Variants in STOX2 observed in about 807,000 individuals in gnomAD.
The protein encoded by STOX2 is storkhead-box protein 2.
In STOX2, 28 loss-of-function variants were observed where a neutral mutation model predicts 60.9. That is an observed-to-expected ratio of 0.46 (90% CI 0.34 to 0.63). The LOEUF (loss-of-function observed/expected upper bound fraction) is 0.63, where lower values mean the gene tolerates loss of function less well. Ranked by LOEUF, STOX2 falls within the 30% of genes least tolerant of loss-of-function variation. The pLI, the probability that STOX2 is intolerant of heterozygous loss-of-function variation, is 0.01. For missense variants in STOX2, 1,024 were observed against 1,187.7 expected, an observed-to-expected ratio of 0.86 and a Z score of 2.03; for synonymous variants, 472 against 463.9, an observed-to-expected ratio of 1.02 and a Z score of -0.22.
At chr4:183,959,329 G>A (rs1026722248) in intron 1 of STOX2, among the ~76,000 whole-genome samples, 3 of 151,958 alleles carry the variant, frequency 2.0e-5, no homozygotes, top group Non-Finnish European at 2.9e-5. Context: ...AACTCAGGGC[G>A]GAAGGGGGGG....
In STOX2 at chr4:184,018,995, C is replaced by T. The variant is rs933959700; in HGVS notation, c.*1711C>T. The T allele has an allele frequency of 2.0e-5, 3 of 152,080 alleles. No homozygotes were observed. Among genetic ancestry groups the T allele is most frequent in the African/African-American group, 7.2e-5 (3 of 41,412 alleles). 9.4% of individuals were successfully genotyped at this position (152,080 alleles called of 1,614,324 possible). On this transcript the variant is annotated 3_prime_UTR_variant, in exon 4 of 4. Transcript: ENST00000308497. ...AGTAATTGGCATATGATTTGTGAGA[C>T]GCATCTGTTTTTGTATGAGGTTTAA... is the stretch of plus-strand genomic sequence containing the variant.
chr4:183,798,572 C>G (rs371580289), intron 1 of STOX2: 1 of 963,576 alleles, frequency 1.0e-6, no homozygotes, highest in Non-Finnish European at 1.2e-6. Flanking sequence ...AGGGTTGAGG[C>G]TGAGTGTTGC....
At position 184,011,456 on chromosome 4, in the gene STOX2, G is replaced by A. The variant is rs4862282; in HGVS notation, c.2585+33G>A. 1 allele frequency: 1,598,981 copies of A among 1,598,996 alleles called. 799,483 individuals are homozygous for A. The highest frequency in any genetic ancestry group is 1 in the Non-Finnish European group (1,171,800 of 1,171,800). ...GAGGTGTCTCTGTGCACACACATGC[G>A]CCTAGCGGGGCCTGGGGCTTTATGC... is the stretch of plus-strand genomic sequence containing the variant. On this transcript the variant is annotated intron_variant, in intron 3 of 3. Transcript: ENST00000308497. The surrounding 1 kb of genome is among the most constrained non-coding windows in gnomAD (Gnocchi z 4.4).
intron 1 of STOX2, among the ~76,000 whole-genome samples, chr4:183,909,399 T>A (rs935739819): frequency 2.0e-5 from 3 of 152,226 alleles, no homozygotes; most frequent in Non-Finnish European, 4.4e-5. Flanking sequence ...ACATGAGGCC[T>A]TTCATATTTC....
At chr4:183,980,457 G>T (rs1732619195) in intron 1 of STOX2, among the ~76,000 whole-genome samples, 1 of 152,218 alleles carries the variant, frequency 6.6e-6, no homozygotes, top group Non-Finnish European at 1.5e-5. Flanking sequence ...TTAGGAGTCT[G>T]TCCCCGGATA....
At chr4:183,931,891 A>G (rs1222002226) in intron 1 of STOX2, among the ~76,000 whole-genome samples, 1 of 152,228 alleles carries the variant, frequency 6.6e-6, no homozygotes, top group Non-Finnish European at 1.5e-5. Flanking sequence ...TGTTTAATCT[A>G]GAGAGCAATA....
At chr4:183,987,386 C>A (rs1471060439) in intron 1 of STOX2, among the ~76,000 whole-genome samples, 3 of 152,098 alleles carry the variant, frequency 2.0e-5, no homozygotes, top group Non-Finnish European at 2.9e-5. Flanking sequence ...CGCAGGTGTA[C>A]ACGTGAGTGA....
chr4:183,945,634 G>C (rs541161904), intron 1 of STOX2, among the ~76,000 whole-genome samples: 1 of 152,170 alleles, frequency 6.6e-6, no homozygotes, highest in Admixed American at 6.5e-5. Context: ...TGAAAACAAA[G>C]CAGGTTCCAT....
intron 1 of STOX2, among the ~76,000 whole-genome samples, chr4:183,863,127 G>A (rs186554986): frequency 8.5e-5 from 13 of 152,294 alleles, no homozygotes; most frequent in Admixed American, 2.0e-4. Flanking sequence ...CATCGGTGGC[G>A]TACAGGACTC....
chr4:183,951,262 C>T (rs1743082113), intron 1 of STOX2, among the ~76,000 whole-genome samples: 1 of 151,128 alleles, frequency 6.6e-6, no homozygotes, highest in Non-Finnish European at 1.5e-5. Context: ...AGGCTTTGCT[C>T]AGCAGTGACA....
rs1272594216 is a variant in STOX2, at chr4:184,010,782, G to A, written c.1944G>A (p.Arg648=). 1 of 1,579,218 alleles carries A rather than the reference G, an allele frequency of 6.3e-7. No individual in the cohort carries two copies. Among genetic ancestry groups the A allele is most frequent in the Non-Finnish European group, 8.6e-7 (1 of 1,163,908 alleles). Residue 648 remains arginine, a synonymous_variant, in exon 3 of 4, where the codon AGG becomes AGA. Coordinates refer to ENST00000308497, the MANE Select transcript of STOX2 (RefSeq NM_020225.3). This position sits in a 1 kb window ranked among gnomAD's most constrained non-coding sequence, Gnocchi z 4.5. Reference sequence around the variant, plus strand: ...ATAGGCAGGTCCCCCACTCCTCCAGGGAGCCTGTGGGGCACAAGGAGGAGT... The same window carrying A: ...ATAGGCAGGTCCCCCACTCCTCCAGAGAGCCTGTGGGGCACAAGGAGGAGT... ...PSDRQVPHSS[R]EPVGHKEESP...
At chr4:183,994,018 T>G (rs1161237524) in intron 1 of STOX2, among the ~76,000 whole-genome samples, 1 of 152,192 alleles carries the variant, frequency 6.6e-6, no homozygotes, top group Admixed American at 6.5e-5. Context: ...TACATAAAAT[T>G]GGGGTTAATA....
intron 1 of STOX2, among the ~76,000 whole-genome samples, chr4:183,823,905 C>A (rs369192025): frequency 6.7e-6 from 1 of 148,790 alleles, no homozygotes; most frequent in Non-Finnish European, 1.5e-5. Context: ...GTACAGCATA[C>A]GTTAAAAACA....
At chr4:183,851,905 G>C (rs1579334759) in intron 1 of STOX2, among the ~76,000 whole-genome samples, 4 of 65,722 alleles carry the variant, frequency 6.1e-5, no homozygotes, top group South Asian at 8.3e-4. Context: ...ATGAGAGAAA[G>C]GATGAGGGAA....
intron 1 of STOX2, among the ~76,000 whole-genome samples, chr4:183,838,495 A>G (rs1019542287): frequency 6.6e-6 from 1 of 152,228 alleles, no homozygotes; most frequent in Admixed American, 6.5e-5. Context: ...CGAGATGAAC[A>G]TATCTATATA....
intron 1 of STOX2, among the ~76,000 whole-genome samples, chr4:183,951,773 T>C (rs1048271305): frequency 3.3e-5 from 5 of 152,038 alleles, no homozygotes; most frequent in African/African-American, 1.2e-4. Context: ...CCCCCGTCTC[T>C]ACTCAAAAAA....
intron 1 of STOX2, among the ~76,000 whole-genome samples, chr4:183,946,471 T>G (rs972147860): frequency 6.6e-6 from 1 of 152,142 alleles, no homozygotes; most frequent in Non-Finnish European, 1.5e-5. Context: ...GTTCCTAGTA[T>G]AAAATGTCCT....
intron 1 of STOX2, among the ~76,000 whole-genome samples, chr4:183,822,748 C>T (rs112359605): frequency 0.014 from 2,095 of 152,344 alleles, 51 homozygotes; most frequent in African/African-American, 0.046. Flanking sequence ...TCCTAATAGG[C>T]CACAGTACCG....
In STOX2 at chr4:183,806,359, G is replaced by A. The variant is rs1384474515; in HGVS notation, c.364+8304G>A. Reference sequence around the variant, plus strand: ...AGTCTAGCTCTCTGGCATGGAAGCTGGGGATGCATAGTGAGTCCAAAATCA... The same window carrying A: ...AGTCTAGCTCTCTGGCATGGAAGCTAGGGATGCATAGTGAGTCCAAAATCA... On this transcript the variant is annotated intron_variant, in intron 1 of 2. Transcript: ENST00000513034. The surrounding 1 kb of genome is among the most constrained non-coding windows in gnomAD (Gnocchi z 4.1). 2.0e-5 allele frequency among the ~76,000 whole-genome samples: 3 copies of A among 152,156 alleles called. No homozygotes were observed. The highest frequency in any genetic ancestry group is 4.8e-5 in the African/African-American group (2 of 41,416).
Sources: gnomAD v4.1 joint callset for allele counts (sites outside exome capture counted in the v4.1 genomes callset) on GRCh38, gnomAD v4.1.1 for gene constraint, Gnocchi (gnomAD v3.1) non-coding constraint, MANE v1.5 for transcripts, NCBI Gene and HGNC (gene_info 2026-07-23, HGNC 2026-07-21) for gene names.